WDR87: variants seen among roughly 807,000 people sequenced by gnomAD.
WDR87 encodes WD repeat-containing protein 87.
A neutral mutation model predicts 83.3 loss-of-function variants in WDR87; 56 were observed. That is an observed-to-expected ratio of 0.67 (90% confidence interval 0.54 to 0.84). The LOEUF is 0.84. Ranked by LOEUF, WDR87 falls within the 40% of genes least tolerant of loss-of-function variation. The pLI, the probability that WDR87 is intolerant of heterozygous loss-of-function variation, is 0.00. For synonymous variants in WDR87, 1,173 were observed against 1,250.6 expected, an observed-to-expected ratio of 0.94 and a Z score of 1.31; for missense variants, 2,939 against 3,431.9, an observed-to-expected ratio of 0.86 and a Z score of 3.59.
At chr19:37,891,531 A>G in intron 5 of WDR87, 21 bp downstream of exon 5, 1 of 1,550,878 alleles carries the variant, frequency 6.4e-7, no homozygotes, top group Non-Finnish European at 8.7e-7. Context: ...TGAGGCACAG[A>G]CCAGATTACC....
chr19:37,894,235 A>C lies in WDR87; in HGVS notation c.1468T>G (p.Ser490Ala), dbSNP rs192395250. 666 of 1,551,906 alleles carry C rather than the reference A, an allele frequency of 4.3e-4. 8 individuals are homozygous for C. The highest frequency in any genetic ancestry group is 3.0e-5 in the Non-Finnish European group (34 of 1,147,044). ...TCTAATCGAGCACAGCTGTGCTGGG[A>C]GAGCACTCTTATCACACCACTCTGG... ...GHQSGVIRVL[S>A]QHSCARLEKF... The change falls in exon 4 of 6, where the codon TCC becomes GCC. Residue 490 changes from serine (S) to alanine (A), a missense_variant. This residue lies in a region of WDR87 where 553 missense variants were observed against 577.9 expected (regional missense o/e 0.96). Coordinates refer to ENST00000447313, the MANE Select transcript of WDR87 (RefSeq NM_001291088.2).
chr19:37,887,537 A>G lies in WDR87; in HGVS notation c.6134T>C (p.Phe2045Ser). ...RKMTQVEQELFERKLSLEEKI... is the reference protein window; with the variant it reads ...RKMTQVEQELSERKLSLEEKI... Reference sequence around the variant, plus strand: ...CTCCTCTAGTGACAATTTTCTCTCAAATAGTTCTTGTTCAACTTGAGTCAT... The same window carrying G: ...CTCCTCTAGTGACAATTTTCTCTCAGATAGTTCTTGTTCAACTTGAGTCAT... The change falls in exon 6 of 6, where the codon TTT (phenylalanine) becomes TCT (serine). Residue 2045 changes from phenylalanine to serine, a missense_variant. Physicochemically the swap from Phe to Ser is radical, Grantham distance 155 (BLOSUM62 -2). Transcript: ENST00000447313. 3 of 1,551,688 alleles carry G rather than the reference A, an allele frequency of 1.9e-6. No individual in the cohort carries two copies. Among genetic ancestry groups the G allele is most frequent in the Non-Finnish European group, 2.6e-6 (3 of 1,146,986 alleles).
chr19:37,889,794 T>C lies in WDR87; in HGVS notation c.3877A>G (p.Ile1293Val), dbSNP rs73930310. Residue 1293 changes from isoleucine to valine, a missense_variant, in exon 6 of 6, where the codon ATA becomes GTA. By Grantham distance (29) the Ile-to-Val change is conservative (BLOSUM62 3). Coordinates refer to ENST00000447313, the MANE Select transcript of WDR87 (RefSeq NM_001291088.2). ...DDLCRLMALR[I>V]SGSQTKMSEN... ...GACATTTTTGTTTGGGAACCAGATA[T>C]CCTCAGGGCCATAAGACGACATAGA... 4.0e-5 allele frequency: 62 copies of C among 1,551,748 alleles called. No homozygotes were observed. The African/African-American group carries it at 8.2e-4, about 21-fold the overall frequency.
At position 37,886,486 on chromosome 19, in the gene WDR87, T is replaced by C. The variant is rs2046146060; in HGVS notation, c.7185A>G (p.Arg2395=). The C allele has an allele frequency of 6.6e-7, 1 of 1,514,822 alleles. No individual in the cohort carries two copies. Among genetic ancestry groups the C allele is most frequent in the East Asian group, 2.5e-5 (1 of 40,694 alleles). The allele number at this position is 1,514,822 out of a possible 1,614,324, so 93.8% of individuals were successfully genotyped here. A position where few individuals can be genotyped will look rare whatever the true frequency, so the allele number is the denominator to read the frequency against. ...KEKQFKLQEQ[R]RKSLRGRERV... ...TTTCCCTTCCTCTTAGGCTCTTTCTTCTTTGTTCTTGTAACTTAAATTGTT... is the reference window on the plus strand; with the variant it reads ...TTTCCCTTCCTCTTAGGCTCTTTCTCCTTTGTTCTTGTAACTTAAATTGTT... Residue 2395 remains arginine (R), a synonymous_variant, in exon 6 of 6, where the codon AGA becomes AGG. Transcript: ENST00000447313.
At position 37,893,151 on chromosome 19, in the gene WDR87, C is replaced by T. The variant is rs779197237; in HGVS notation, c.2552G>A (p.Arg851Gln). The T allele has an allele frequency of 2.4e-4, 365 of 1,551,910 alleles. No homozygotes were observed. The highest frequency in any genetic ancestry group is 6.5e-5 in the Non-Finnish European group (74 of 1,147,050). ...TTGAGACCTGTCCCATTCCAGCTCC[C>T]GCTGGGGTGCATGCAGGTTGCACTG... The part of the protein sequence containing the change: ...YLQCNLHAPQ[R>Q]ELEWDRSQEF... Residue 851 changes from arginine (R) to glutamine (Q), a missense_variant, in exon 4 of 6, where the codon CGG (arginine) becomes CAG (glutamine). Around this residue, in one of 3 missense-constraint regions of WDR87, gnomAD observed 2,160 missense variants for 2,533.1 expected, o/e 0.85. Coordinates refer to ENST00000447313, the MANE Select transcript of WDR87 (RefSeq NM_001291088.2).
In WDR87 at chr19:37,887,882, A is replaced by G; in HGVS notation, c.5789T>C (p.Val1930Ala). 8 of 1,551,088 alleles carry G rather than the reference A, an allele frequency of 5.2e-6. No individual in the cohort carries two copies. The highest frequency in any genetic ancestry group is 7.0e-6 in the Non-Finnish European group (8 of 1,146,846). The change falls in exon 6 of 6, where the codon GTA (valine) becomes GCA (alanine). Residue 1930 changes from valine (V) to alanine (A), a missense_variant. Val to Ala is a moderately conservative substitution (Grantham distance 64). Around this residue, in one of 3 missense-constraint regions of WDR87, gnomAD observed 2,160 missense variants for 2,533.1 expected, o/e 0.85. Transcript: ENST00000447313. ...CTTTTCCTGTGTCAGCTTCTCCTCT[A>G]CCTGAGCCAGTATCTTGTTGAACAT... The part of the protein sequence containing the change: ...LGMFNKILAQ[V>A]EEKLTQEKET...
At position 37,889,077 on chromosome 19, in the gene WDR87, CT is replaced by C. The variant is rs2046179190; in HGVS notation, c.4593del (p.Glu1532ArgfsTer24). On this transcript the variant is annotated frameshift_variant, in exon 6 of 6. Transcript: ENST00000447313. LOFTEE classifies it low-confidence loss of function (END_TRUNC). Reference protein sequence around the residue: ...KEEWEKRLLQEEEKLHQAGEK... With the variant: ...KEEWEKRLLQXEEKLHQAGEK... ...TCTCCAGCCTGATGTAGTTTCTCCT[CT>C]TCCTGAAGAAGCCTCTTCTCCCATT... 8 of 1,552,154 alleles carry C rather than the reference CT, an allele frequency of 5.2e-6. No individual in the cohort carries two copies. The highest frequency in any genetic ancestry group is 6.1e-6 in the Non-Finnish European group (7 of 1,147,104).
Position 37,893,664 on chromosome 19 carries a change from G to C in WDR87, c.2039C>G (p.Pro680Arg), listed in dbSNP as rs1280619115. The C allele has an allele frequency of 7.1e-6, 11 of 1,552,000 alleles. No individual in the cohort carries two copies. In the African/African-American group the frequency reaches 1.2e-4, roughly 17 times the overall value. Residue 680 changes from proline (P) to arginine (R), a missense_variant, in exon 4 of 6, where the codon CCA becomes CGA. Pro to Arg is a moderately radical substitution (Grantham distance 103). This residue lies in a region of WDR87 where 553 missense variants were observed against 577.9 expected (regional missense o/e 0.96). Transcript: ENST00000447313. ...AAAGGAAAGGCGAGTCAGCAGGGCT[G>C]GGGGAAGCAATTTTAAACAGGACAC... is the stretch of plus-strand genomic sequence containing the variant. ...YLVSCLKLLPPALLTRLSFMS... is the reference protein window; with the variant it reads ...YLVSCLKLLPRALLTRLSFMS...
rs1425552102 is a variant in WDR87, at chr19:37,892,871, T to C, written c.2832A>G (p.Leu944=). ...LLKYQCCVGA[L]GQIFASYQVS... ...CCTGGTAAGAGGCAAAGATTTGCCC[T>C]AGTGCACCAACACAGCACTGGTACT... The change falls in exon 4 of 6, where the codon CTA becomes CTG. Residue 944 remains leucine, a synonymous_variant. Transcript: ENST00000447313. The C allele has an allele frequency of 1.3e-6, 2 of 1,551,954 alleles. No individual in the cohort carries two copies. The highest frequency in any genetic ancestry group is 2.4e-5 in the East Asian group (1 of 40,922).
Position 37,885,578 on chromosome 19 carries a change from T to C in WDR87, c.8093A>G (p.Lys2698Arg), listed in dbSNP as rs988206133. 5 of 1,551,730 alleles carry C rather than the reference T, an allele frequency of 3.2e-6. No homozygotes were observed. Among genetic ancestry groups the C allele is most frequent in the Non-Finnish European group, 4.4e-6 (5 of 1,146,996 alleles). ...ERAQQISIAH[K>R]EMEMQYFYPA... ...ATAAAAGTATTGCATTTCCATCTCCTTGTGAGCAATGGATATCTGCTGTGC... is the reference window on the plus strand; with the variant it reads ...ATAAAAGTATTGCATTTCCATCTCCCTGTGAGCAATGGATATCTGCTGTGC... Residue 2698 changes from lysine (K) to arginine (R), a missense_variant, in exon 6 of 6, where the codon AAG (lysine) becomes AGG (arginine). Around this residue, in one of 3 missense-constraint regions of WDR87, gnomAD observed 2,160 missense variants for 2,533.1 expected, o/e 0.85. Transcript: ENST00000447313.
intron 3 of WDR87, among the ~76,000 whole-genome samples, chr19:37,895,696 G>T (rs1453443447): frequency 6.6e-6 from 1 of 150,894 alleles, no homozygotes; most frequent in Admixed American, 6.6e-5. Context: ...GAATTTGGGA[G>T]GCAAAGGCTG....
intron 1 of WDR87, among the ~76,000 whole-genome samples, chr19:37,898,514 C>T (rs2046272966): frequency 6.6e-6 from 1 of 152,134 alleles, no homozygotes. Flanking sequence ...GGGAGTGAAT[C>T]TTAGCGTGTT....
In WDR87 at chr19:37,899,503, A is replaced by G. The variant is rs547440464; in HGVS notation, c.-46-1218T>C. Among the ~76,000 whole-genome samples the G allele has an allele frequency of 2.0e-5, 3 of 151,868 alleles. No individual in the cohort carries two copies. The South Asian group carries it at 6.2e-4, about 32-fold the overall frequency. On this transcript the variant is annotated intron_variant, in intron 1 of 5. Transcript: ENST00000447313. Reference sequence around the variant, plus strand: ...TCCCAGGCTGTAGTGCAGTGGTACCATCATAGCTCACTGCAGCTTTGAACT... The same window carrying G: ...TCCCAGGCTGTAGTGCAGTGGTACCGTCATAGCTCACTGCAGCTTTGAACT...
Position 37,891,632 on chromosome 19 carries a change from G to T in WDR87, c.3314C>A (p.Pro1105His). The T allele has an allele frequency of 6.4e-7, 1 of 1,551,892 alleles. No individual in the cohort carries two copies. ...PSELKSSLKP[P>H]TVSEESEVAI... ...CACTTCAGATTCTTCAGAAACTGTAGGAGGTTTCAGGGAGGATTTAAGTTC... is the reference window on the plus strand; with the variant it reads ...CACTTCAGATTCTTCAGAAACTGTATGAGGTTTCAGGGAGGATTTAAGTTC... Residue 1105 changes from proline (P) to histidine (H), a missense_variant, in exon 5 of 6, where the codon CCT becomes CAT. Pro to His is a moderately conservative substitution (Grantham distance 77). This residue lies in a region of WDR87 where 2,160 missense variants were observed against 2,533.1 expected (regional missense o/e 0.85). Transcript: ENST00000447313.
intron 1 of WDR87, among the ~76,000 whole-genome samples, chr19:37,903,276 G>T (rs1440739475): frequency 6.6e-6 from 1 of 152,216 alleles, no homozygotes; most frequent in East Asian, 1.9e-4. Context: ...TGACATTACT[G>T]ATAAGGAGCC....
rs2046206980 is a variant in WDR87 at position 37,891,724 on chromosome 19, A to G, written c.3222T>C (p.Asn1074=). 2 of 1,551,930 alleles carry G rather than the reference A, an allele frequency of 1.3e-6. No individual in the cohort carries two copies. Among genetic ancestry groups the G allele is most frequent in the South Asian group, 2.4e-5 (2 of 84,064 alleles). ...CTCTATGTGACAGGGTCAGGTTTTC[A>G]TTCAATCTCTGCTCCACTTGAGTGG... ...ILSTQVEQRL[N]ENLTLSHRDE... The change falls in exon 5 of 6, where the codon AAT becomes AAC. Residue 1074 remains asparagine, a synonymous_variant. Coordinates refer to ENST00000447313, the MANE Select transcript of WDR87 (RefSeq NM_001291088.2).
rs897259020 is a variant in WDR87, at chr19:37,893,097, C to T, written c.2606G>A (p.Arg869Lys). 2.6e-6 allele frequency: 4 copies of T among 1,551,760 alleles called. No homozygotes were observed. The highest frequency in any genetic ancestry group is 3.9e-5 in the Admixed American group (2 of 51,000). Residue 869 changes from arginine to lysine, a missense_variant, in exon 4 of 6, where the codon AGA becomes AAA. Coordinates refer to ENST00000447313, the MANE Select transcript of WDR87 (RefSeq NM_001291088.2). ...TGGATATTCTGTATTACTTATAGCTCTTACCCTGCTGTGCCAGAAAAAGAA... is the reference window on the plus strand; with the variant it reads ...TGGATATTCTGTATTACTTATAGCTTTTACCCTGCTGTGCCAGAAAAAGAA... ...QEFFFWHSRV[R>K]AISNTEYPKN...
At chr19:37,906,103 C>G (rs1468959201) in intron 1 of WDR87, among the ~76,000 whole-genome samples, 1 of 152,166 alleles carries the variant, frequency 6.6e-6, no homozygotes, top group African/African-American at 2.4e-5. Context: ...GGTATTGACT[C>G]CGGCTTCTCC....
intron 5 of WDR87, among the ~76,000 whole-genome samples, chr19:37,890,810 A>T (rs944327959): frequency 6.6e-6 from 1 of 152,228 alleles, no homozygotes; most frequent in Non-Finnish European, 1.5e-5. Flanking sequence ...TAGAATCATT[A>T]AAAAATGTGC....
Sources: gnomAD v4.1 joint callset for allele counts (sites outside exome capture counted in the v4.1 genomes callset) on GRCh38, gnomAD v4.1.1 for gene constraint, gnomAD v4.1.1 regional missense constraint, MANE v1.5 for transcripts, NCBI Gene and HGNC (gene_info 2026-07-23, HGNC 2026-07-21) for gene names.